Variants in SFXN5 observed in about 807,000 individuals in gnomAD.
SFXN5 encodes sideroflexin 5, also known as sideroflexin-5.
Under a neutral mutation model 50.2 loss-of-function variants are expected in SFXN5, and 43 were observed. The observed-to-expected ratio is 0.86, with a 90% CI of 0.67 to 1.11. The LOEUF (loss-of-function observed/expected upper bound fraction) is 1.11. SFXN5 is among the 50% of genes least tolerant of loss of function. The probability of loss-of-function intolerance (pLI) is 0.00; values close to 1 mark genes in which losing one functional copy is unlikely to be tolerated. For missense variants in SFXN5, 463 were observed against 454.1 expected (o/e 1.02, Z -0.18); for synonymous variants, 203 against 185.8 (o/e 1.09, Z -0.75).
At chr2:72,997,733 G>A (rs140776072) in intron 9 of SFXN5, 1 of 152,278 alleles carries the variant, frequency 6.6e-6, no homozygotes, top group African/African-American at 2.4e-5. Context: ...AGGATTACAG[G>A]TGCCCACCAC....
intron 6 of SFXN5, among the ~76,000 whole-genome samples, chr2:73,006,422 G>C (rs1354890568): frequency 6.6e-6 from 1 of 152,184 alleles, no homozygotes; most frequent in Non-Finnish European, 1.5e-5. Context: ...AGGAGTTCGA[G>C]ACCAGCCTGG....
intron 2 of SFXN5, among the ~76,000 whole-genome samples, chr2:73,047,219 TAAAAAAAAAAA>T (rs748772614): frequency 2.7e-3 from 73 of 27,476 alleles, no homozygotes; most frequent in South Asian, 0.013. Flanking sequence ...CTCCATCTCG[TAAAAAAAAAAA>T]AAAAAAAAAA....
chr2:73,051,259 T>TC (rs1681283383), intron 2 of SFXN5, among the ~76,000 whole-genome samples: 1 of 145,830 alleles, frequency 6.9e-6, no homozygotes, highest in Non-Finnish European at 1.5e-5. Context: ...TTCCAGCACT[T>TC]TTTTTTTTTT....
At chr2:73,004,313 G>GCGCA (rs201152007) in intron 6 of SFXN5, among the ~76,000 whole-genome samples, 2 of 138,432 alleles carry the variant, frequency 1.4e-5, no homozygotes, top group Non-Finnish European at 3.0e-5. Flanking sequence ...ATGAGTGCGC[G>GCGCA]CGCACACACA....
At chr2:72,998,786 C>G (rs1425505133) in intron 9 of SFXN5, 163 bp downstream of exon 9, 2 of 685,196 alleles carry the variant, frequency 2.9e-6, no homozygotes, top group Non-Finnish European at 5.0e-6. Flanking sequence ...TCTACTGGAG[C>G]CTCTTCTCGG....
chr2:73,055,774 G>A (rs555278208), intron 2 of SFXN5, among the ~76,000 whole-genome samples: 7 of 151,966 alleles, frequency 4.6e-5, no homozygotes, highest in Non-Finnish European at 1.0e-4. Context: ...CCACTACCAC[G>A]CCTGGCTAAT....
At chr2:72,985,752 T>G (rs115068137) in intron 10 of SFXN5, among the ~76,000 whole-genome samples, 4,326 of 152,234 alleles carry the variant, frequency 0.028, 223 homozygotes, top group African/African-American at 0.097. Context: ...AAGACAACAG[T>G]GGCTGCACCT....
intron 3 of SFXN5, among the ~76,000 whole-genome samples, chr2:73,024,117 G>A (rs1334132433): frequency 5.3e-5 from 8 of 151,038 alleles, no homozygotes; most frequent in Non-Finnish European, 7.4e-5. Context: ...TCTGTCTCCC[G>A]GGTTCAAGCG....
intron 10 of SFXN5, among the ~76,000 whole-genome samples, chr2:72,980,360 ACTCT>A (rs374308048): frequency 1.3e-5 from 2 of 151,826 alleles, no homozygotes; most frequent in East Asian, 1.9e-4. Flanking sequence ...ACTCACACAT[ACTCT>A]CTCTCTCACA....
At chr2:73,060,655 C>T (rs943107984) in intron 1 of SFXN5, among the ~76,000 whole-genome samples, 2 of 151,510 alleles carry the variant, frequency 1.3e-5, no homozygotes, top group African/African-American at 4.9e-5. Context: ...TGTTAAGTCT[C>T]CTGAATATAA....
At chr2:73,003,406 C>T (rs1674187455) in intron 6 of SFXN5, among the ~76,000 whole-genome samples, 1 of 152,220 alleles carries the variant, frequency 6.6e-6, no homozygotes, top group Admixed American at 6.5e-5. Flanking sequence ...ACTGCATTTA[C>T]CAGACAACTG....
chr2:73,059,951 A>G (rs2106040569), intron 1 of SFXN5: 1 of 784,356 alleles, frequency 1.3e-6, no homozygotes, highest in South Asian at 5.8e-5. Context: ...GTCCATTCAT[A>G]TGACTGAATA....
chr2:73,047,325 A>ATG (rs1680622364), intron 2 of SFXN5, among the ~76,000 whole-genome samples: 1 of 127,606 alleles, frequency 7.8e-6, no homozygotes. Context: ...GTATGTATAT[A>ATG]TATGTGTATA....
rs145155501 is a variant in SFXN5, at chr2:72,950,875, G to A, written c.946-5776C>T. 6.0e-4 allele frequency among the ~76,000 whole-genome samples: 91 copies of A among 152,344 alleles called. 2 individuals are homozygous for A. In the East Asian group the frequency reaches 0.016, roughly 26 times the overall value. ...AGACTGGCTCTGAGGGGCCTTCTCC[G>A]GGGATAAGGGGATGAGGAGAGAGGA... On this transcript the variant is annotated intron_variant, in intron 13 of 13. Transcript: ENST00000272433. The surrounding 1 kb of genome is among the most constrained non-coding windows in gnomAD (Gnocchi z 4.2).
At chr2:73,018,936 T>C (rs1676490718) in intron 6 of SFXN5, among the ~76,000 whole-genome samples, 2 of 152,192 alleles carry the variant, frequency 1.3e-5, no homozygotes, top group South Asian at 4.1e-4. Context: ...CCTAGGTCTA[T>C]ATCCAAGAGG....
chr2:72,978,700 A>C (rs1054404098), intron 10 of SFXN5, among the ~76,000 whole-genome samples: 1 of 152,228 alleles, frequency 6.6e-6, no homozygotes. Flanking sequence ...GGCAATATTT[A>C]ATAAAGCTAG....
chr2:73,047,804 G>A (rs1412010605), intron 2 of SFXN5, among the ~76,000 whole-genome samples: 2 of 152,062 alleles, frequency 1.3e-5, no homozygotes, highest in African/African-American at 4.8e-5. Flanking sequence ...GACTAATACA[G>A]TAAATGTGAA....
chr2:72,959,206 C>T (rs1251483061), intron 13 of SFXN5, among the ~76,000 whole-genome samples: 1 of 152,188 alleles, frequency 6.6e-6, no homozygotes, highest in African/African-American at 2.4e-5. Flanking sequence ...TCAATGCAGA[C>T]ACCTCCTGGG....
At chr2:73,005,059 T>A (rs1292728927) in intron 6 of SFXN5, among the ~76,000 whole-genome samples, 1 of 152,004 alleles carries the variant, frequency 6.6e-6, no homozygotes, top group East Asian at 1.9e-4. Flanking sequence ...TTGCACCTCT[T>A]CCAAGAGGGA....
Sources: allele counts gnomAD v4.1 joint callset (sites outside exome capture counted in the v4.1 genomes callset), GRCh38; gene constraint gnomAD v4.1.1; non-coding constraint Gnocchi (gnomAD v3.1); transcripts MANE v1.5; gene names NCBI Gene and HGNC (gene_info 2026-07-23, HGNC 2026-07-21).